The following GABRB1 variants were observed in gnomAD, a reference collection of about 807,000 sequenced individuals.
GABRB1 encodes gamma-aminobutyric acid type A receptor subunit beta1, also known as gamma-aminobutyric acid receptor subunit beta-1.
In GABRB1, 17 loss-of-function variants were observed where a neutral mutation model predicts 51.6. The ratio of observed to expected loss-of-function variants is 0.33; its 90% CI spans 0.23 to 0.49. The LOEUF is 0.49. Among genes scored for constraint, GABRB1 ranks in the 20% least tolerant of loss-of-function variants. The pLI, the probability that GABRB1 is intolerant of heterozygous loss-of-function variation, is 0.99. For synonymous variants in GABRB1, 247 were observed against 218.9 expected (o/e 1.13, Z -1.14); for missense variants, 410 against 600.6 (o/e 0.68, Z 3.32).
intron 3 of GABRB1, among the ~76,000 whole-genome samples, chr4:47,114,595 C>CT (rs1205068111): frequency 6.6e-6 from 1 of 152,134 alleles, no homozygotes; most frequent in East Asian, 1.9e-4. Context: ...TGGCATGTGA[C>CT]TTTTCTTCTT....
chr4:47,298,877 G>A (rs531047430), intron 4 of GABRB1, among the ~76,000 whole-genome samples: 67 of 151,924 alleles, frequency 4.4e-4, no homozygotes, highest in Admixed American at 3.8e-3. Context: ...CATGGTACTG[G>A]TACCAAAACA....
intron 4 of GABRB1, among the ~76,000 whole-genome samples, chr4:47,227,347 G>A (rs1033561533): frequency 6.6e-6 from 1 of 152,126 alleles, no homozygotes; most frequent in Non-Finnish European, 1.5e-5. Context: ...TTTATTAAAT[G>A]TTTATTCTGT....
chr4:47,084,980 A>G (rs920841471), intron 3 of GABRB1, among the ~76,000 whole-genome samples: 1 of 152,274 alleles, frequency 6.6e-6, no homozygotes, highest in South Asian at 2.1e-4. Context: ...GCTAAAGCCA[A>G]AAAAGGTGCA....
intron 4 of GABRB1, among the ~76,000 whole-genome samples, chr4:47,273,615 A>ATGGGCTGTAC (rs1208575071): frequency 2.0e-5 from 3 of 152,106 alleles, no homozygotes; most frequent in Admixed American, 6.6e-5. Flanking sequence ...TAGGCTGGTC[A>ATGGGCTGTAC]TGGGCTGTAC....
intron 4 of GABRB1, among the ~76,000 whole-genome samples, chr4:47,185,504 C>T (rs1012759717): frequency 2.0e-5 from 3 of 151,776 alleles, no homozygotes; most frequent in African/African-American, 7.3e-5. Flanking sequence ...CAAAGGTCAA[C>T]ATCCAAACTT....
At chr4:47,219,682 C>T (rs1431897378) in intron 4 of GABRB1, among the ~76,000 whole-genome samples, 1 of 151,878 alleles carries the variant, frequency 6.6e-6, no homozygotes, top group Non-Finnish European at 1.5e-5. Context: ...TCAAACTCTT[C>T]AATCCCGTGT....
rs564340995 is a variant in GABRB1 at position 47,123,073 on chromosome 4, A to G, written c.241-38176A>G. On this transcript the variant is annotated intron_variant, in intron 3 of 8. Coordinates refer to ENST00000295454, the MANE Select transcript of GABRB1 (RefSeq NM_000812.4). ...TGCAATGAAAGCGAGTAGATGTACA[A>G]CTCATTTTCTCTTGAATTATTCCAG... 5.9e-5 allele frequency among the ~76,000 whole-genome samples: 9 copies of G among 152,018 alleles called. No individual in the cohort carries two copies. In the South Asian group the frequency reaches 1.7e-3, roughly 28 times the overall value.
intron 5 of GABRB1, among the ~76,000 whole-genome samples, chr4:47,369,414 ACTTTT>A (rs781343903): frequency 1.3e-3 from 191 of 144,982 alleles, no homozygotes; most frequent in Middle Eastern, 3.5e-3. Flanking sequence ...TTACCTCTTC[ACTTTT>A]CTTTTCTTTC....
At chr4:47,032,704 A>G (rs1176033292) in intron 3 of GABRB1, 2 of 710,324 alleles carry the variant, frequency 2.8e-6, no homozygotes, top group South Asian at 1.5e-5. Flanking sequence ...CGTGCTCGGC[A>G]CTATTTTGGG....
chr4:47,149,224 T>G (rs1164856005), intron 3 of GABRB1, among the ~76,000 whole-genome samples: 1 of 152,058 alleles, frequency 6.6e-6, no homozygotes, highest in African/African-American at 2.4e-5. Context: ...GAAATTATTA[T>G]TAAGTATTTA....
intron 5 of GABRB1, among the ~76,000 whole-genome samples, chr4:47,354,429 CA>C (rs1265503145): frequency 6.6e-6 from 1 of 152,174 alleles, no homozygotes; most frequent in African/African-American, 2.4e-5. Flanking sequence ...TCTTGATGCA[CA>C]TCTCTTCTTA....
At chr4:46,999,353 A>T (rs779891676) in intron 1 of GABRB1, among the ~76,000 whole-genome samples, 1 of 152,228 alleles carries the variant, frequency 6.6e-6, no homozygotes, top group Non-Finnish European at 1.5e-5. Context: ...AGTTTAACAT[A>T]TTCATACCAT....
At chr4:47,012,824 C>T (rs1373653572) in intron 1 of GABRB1, among the ~76,000 whole-genome samples, 1 of 152,104 alleles carries the variant, frequency 6.6e-6, no homozygotes, top group Non-Finnish European at 1.5e-5. Flanking sequence ...ACCATCTTAG[C>T]TAAGAAGTAA....
intron 3 of GABRB1, among the ~76,000 whole-genome samples, chr4:47,086,024 A>T (rs1407718164): frequency 6.6e-6 from 1 of 152,264 alleles, no homozygotes; most frequent in South Asian, 2.1e-4. Flanking sequence ...AAAGGCACAG[A>T]GTGATTTATT....
At chr4:47,185,517 T>C (rs1372620658) in intron 4 of GABRB1, among the ~76,000 whole-genome samples, 1 of 151,794 alleles carries the variant, frequency 6.6e-6, no homozygotes, top group African/African-American at 2.4e-5. Context: ...CCAAACTTCC[T>C]GACATATGAT....
At chr4:47,160,890 G>T (rs1212761508) in intron 3 of GABRB1, among the ~76,000 whole-genome samples, 1 of 151,896 alleles carries the variant, frequency 6.6e-6, no homozygotes, top group African/African-American at 2.4e-5. Context: ...GGGCACAAGA[G>T]ATCCTGCTAC....
At chr4:47,236,930 G>A (rs10025033) in intron 4 of GABRB1, among the ~76,000 whole-genome samples, 2,170 of 152,128 alleles carry the variant, frequency 0.014, 40 homozygotes, top group African/African-American at 0.049. Flanking sequence ...CTATAAAAGC[G>A]GACGTAAGAA....
intron 5 of GABRB1, among the ~76,000 whole-genome samples, chr4:47,370,890 T>G (rs2110018578): frequency 6.6e-6 from 1 of 152,022 alleles, no homozygotes; most frequent in African/African-American, 2.4e-5. Flanking sequence ...CAATTGCCAC[T>G]CTGTGTGAAG....
chr4:47,360,463 G>A (rs561966759), intron 5 of GABRB1, among the ~76,000 whole-genome samples: 3 of 151,816 alleles, frequency 2.0e-5, no homozygotes, highest in African/African-American at 7.3e-5. Context: ...TTGAATAGCT[G>A]CCTGTGTTAA....
Sources: allele counts gnomAD v4.1 joint callset (sites outside exome capture counted in the v4.1 genomes callset), GRCh38; gene constraint gnomAD v4.1.1; transcripts MANE v1.5; gene names NCBI Gene and HGNC (gene_info 2026-07-23, HGNC 2026-07-21).